NKAIN2: variants seen among roughly 807,000 people sequenced by gnomAD.
The protein encoded by NKAIN2 is sodium/potassium transporting ATPase interacting 2.
Under a neutral mutation model 32.6 loss-of-function variants are expected in NKAIN2, and 14 were observed. That is an observed-to-expected ratio of 0.43 (90% CI 0.28 to 0.67). The LOEUF (loss-of-function observed/expected upper bound fraction) is 0.67. NKAIN2 is among the 30% of genes least tolerant of loss of function. NKAIN2 has a pLI of 0.17. For synonymous variants in NKAIN2, 80 were observed against 87.2 expected, an observed-to-expected ratio of 0.92 and a Z score of 0.46; for missense variants, 198 against 258.3, an observed-to-expected ratio of 0.77 and a Z score of 1.60.
At position 123,847,443 on chromosome 6, in the gene NKAIN2, A is replaced by G. The variant is rs142809888; in HGVS notation, c.54+43189A>G. The stretch of plus-strand genomic sequence containing the variant: ...AACCAAGTGGCATGTATCCCGGCGG[A>G]TGGAACTTTCTGCTTGGAATTAGAA... On this transcript the variant is annotated intron_variant, in intron 1 of 6. Coordinates refer to ENST00000368417, the MANE Select transcript of NKAIN2 (RefSeq NM_001040214.3). 2.4e-3 allele frequency among the ~76,000 whole-genome samples: 363 copies of G among 152,250 alleles called. 2 individuals carry two copies. The highest frequency in any genetic ancestry group is 0.023 in the East Asian group (118 of 5,162).
At chr6:124,561,419 CAT>C (rs1285756444) in intron 3 of NKAIN2, among the ~76,000 whole-genome samples, 4 of 152,088 alleles carry the variant, frequency 2.6e-5, no homozygotes, top group Admixed American at 2.6e-4. Flanking sequence ...TGTGAAGTGT[CAT>C]AGCATTTGAT....
chr6:123,970,576 C>G (rs115748070), intron 1 of NKAIN2, among the ~76,000 whole-genome samples: 1 of 151,854 alleles, frequency 6.6e-6, no homozygotes, highest in African/African-American at 2.4e-5. Flanking sequence ...TTTCATTGTT[C>G]TTTAGAAATA....
intron 1 of NKAIN2, among the ~76,000 whole-genome samples, chr6:124,167,959 T>C (rs964417780): frequency 2.0e-5 from 3 of 152,190 alleles, no homozygotes; most frequent in Non-Finnish European, 4.4e-5. Flanking sequence ...TAGAGATATA[T>C]TTCTAACCAT....
chr6:124,765,736 C>G, intron 4 of NKAIN2, among the ~76,000 whole-genome samples: 1 of 152,170 alleles, frequency 6.6e-6, no homozygotes, highest in East Asian at 1.9e-4. Flanking sequence ...TACCACCACC[C>G]TGAATCTCTA....
At chr6:124,318,231 G>T (rs1583040071) in intron 2 of NKAIN2, among the ~76,000 whole-genome samples, 1 of 151,888 alleles carries the variant, frequency 6.6e-6, no homozygotes, top group South Asian at 2.1e-4. Context: ...TATTCTTGAT[G>T]TTTTGCTATT....
At chr6:124,806,522 C>T (rs1247435995) in intron 5 of NKAIN2, among the ~76,000 whole-genome samples, 1 of 151,930 alleles carries the variant, frequency 6.6e-6, no homozygotes, top group African/African-American at 2.4e-5. Context: ...CGGTACCAGC[C>T]ACTGCAAAAT....
intron 3 of NKAIN2, among the ~76,000 whole-genome samples, chr6:124,567,520 A>G (rs1390045583): frequency 6.6e-6 from 1 of 152,046 alleles, no homozygotes; most frequent in African/African-American, 2.4e-5. Context: ...GACCATCTAT[A>G]TTTTCTCTCA....
chr6:124,781,283 T>C (rs1272865265), intron 4 of NKAIN2, among the ~76,000 whole-genome samples: 3 of 152,086 alleles, frequency 2.0e-5, no homozygotes, highest in African/African-American at 7.2e-5. Context: ...CTATATAACT[T>C]CTCTAAGCCT....
At chr6:123,949,642 G>A (rs555996552) in intron 1 of NKAIN2, among the ~76,000 whole-genome samples, 4 of 151,848 alleles carry the variant, frequency 2.6e-5, no homozygotes, top group Non-Finnish European at 4.4e-5. Flanking sequence ...ATTTTTATAT[G>A]TTTATTTTGT....
chr6:124,022,389 T>C (rs1229337363), intron 1 of NKAIN2, among the ~76,000 whole-genome samples: 1 of 152,188 alleles, frequency 6.6e-6, no homozygotes, highest in African/African-American at 2.4e-5. Flanking sequence ...GCATGATTTA[T>C]AATCTTTTGG....
At chr6:124,018,078 A>G (rs377750987) in intron 1 of NKAIN2, among the ~76,000 whole-genome samples, 1 of 152,132 alleles carries the variant, frequency 6.6e-6, no homozygotes, top group Admixed American at 6.5e-5. Flanking sequence ...GAGGTTCCCA[A>G]ACCTCAATTC....
rs549542533 is a variant in NKAIN2, at chr6:124,614,181, G to T, written c.274-44005G>T. On this transcript the variant is annotated intron_variant, in intron 3 of 6. Transcript: ENST00000368417. ...GGCCAAGAAGGGTGGATAACTTGAG[G>T]TCAGGAGTTCGAGACCAGCCTGGCC... 9.2e-5 allele frequency among the ~76,000 whole-genome samples: 14 copies of T among 152,244 alleles called. No individual in the cohort carries two copies. The South Asian group carries it at 2.9e-3, about 32-fold the overall frequency.
intron 1 of NKAIN2, among the ~76,000 whole-genome samples, chr6:124,250,700 C>T (rs1385356439): frequency 6.6e-6 from 1 of 151,852 alleles, no homozygotes; most frequent in African/African-American, 2.4e-5. Context: ...GGAAGTGCTT[C>T]ACATAAAAGG....
At chr6:124,695,780 G>T (rs1442014596) in intron 4 of NKAIN2, among the ~76,000 whole-genome samples, 2 of 152,142 alleles carry the variant, frequency 1.3e-5, no homozygotes, top group Non-Finnish European at 2.9e-5. Context: ...TAGGAAGGAG[G>T]GCTGCAGGAA....
chr6:124,548,562 C>T lies in NKAIN2; in HGVS notation c.274-109624C>T, dbSNP rs950673353. 3.9e-5 allele frequency among the ~76,000 whole-genome samples: 6 copies of T among 152,080 alleles called. No individual in the cohort carries two copies. In the East Asian group the frequency reaches 9.6e-4, roughly 24 times the overall value. On this transcript the variant is annotated intron_variant, in intron 3 of 6. Coordinates refer to ENST00000368417, the MANE Select transcript of NKAIN2 (RefSeq NM_001040214.3). ...AGAAAACTAGGATCCTTCAGGCAAG[C>T]GAAGAGTGTTACCTTCAGAGAGGGA...
intron 3 of NKAIN2, among the ~76,000 whole-genome samples, chr6:124,501,551 A>G (rs148565801): frequency 1.3e-5 from 2 of 152,274 alleles, no homozygotes; most frequent in African/African-American, 4.8e-5. Flanking sequence ...AACTGTTCCA[A>G]TGTTGCCATC....
At chr6:124,456,842 T>C (rs1776342037) in intron 3 of NKAIN2, among the ~76,000 whole-genome samples, 1 of 151,948 alleles carries the variant, frequency 6.6e-6, no homozygotes, top group Non-Finnish European at 1.5e-5. Context: ...AAATGCCCTC[T>C]CTACTTAAAT....
chr6:124,468,698 C>T (rs2114667034), intron 3 of NKAIN2, among the ~76,000 whole-genome samples: 1 of 152,148 alleles, frequency 6.6e-6, no homozygotes, highest in South Asian at 2.1e-4. Context: ...TTAATTCTAC[C>T]AGATGCTGAA....
At chr6:124,561,774 A>G (rs1312414838) in intron 3 of NKAIN2, among the ~76,000 whole-genome samples, 1 of 152,202 alleles carries the variant, frequency 6.6e-6, no homozygotes. Flanking sequence ...CGGCTGAAAT[A>G]GCCCGTTTTG....
Sources: allele counts gnomAD v4.1 joint callset (sites outside exome capture counted in the v4.1 genomes callset), GRCh38; gene constraint gnomAD v4.1.1; transcripts MANE v1.5; gene names NCBI Gene and HGNC (gene_info 2026-07-23, HGNC 2026-07-21).